Variants in FER observed in about 807,000 individuals in gnomAD.
FER encodes the protein tyrosine-protein kinase Fer.
Under a neutral mutation model 111.0 loss-of-function variants are expected in FER, and 63 were observed. That is an observed-to-expected ratio of 0.57 (90% confidence interval 0.46 to 0.70). The LOEUF (loss-of-function observed/expected upper bound fraction) is 0.70, where lower values mean the gene tolerates loss of function less well. FER is among the 30% of genes least tolerant of loss of function. The pLI, the probability that FER is intolerant of heterozygous loss-of-function variation, is 0.00. For missense variants in FER, 914 were observed against 954.0 expected, an observed-to-expected ratio of 0.96 and a Z score of 0.55; for synonymous variants, 327 against 313.9, an observed-to-expected ratio of 1.04 and a Z score of -0.44.
intron 8 of FER, among the ~76,000 whole-genome samples, chr5:108,874,592 A>G (rs989712686): frequency 2.6e-5 from 4 of 152,014 alleles, no homozygotes; most frequent in Admixed American, 2.6e-4. Flanking sequence ...TTAATGTAAT[A>G]TAAGACTTAG....
At position 108,946,190 on chromosome 5, in the gene FER, A is replaced by G; in HGVS notation, c.1297A>G (p.Arg433Gly). The change falls in exon 11 of 20, where the codon AGG becomes GGG. Residue 433 changes from arginine to glycine, a missense_variant. By Grantham distance (125) the Arg-to-Gly change is moderately radical (BLOSUM62 -2). This residue lies in a region of FER where 774 missense variants were observed against 782.6 expected (regional missense o/e 0.99). Transcript: ENST00000281092. Reference protein sequence around the residue: ...SIRHSIAGIIRSPKSALGSSA... With the variant: ...SIRHSIAGIIGSPKSALGSSA... ...TCGTCATTCAATTGCTGGAATAATT[A>G]GGTCTCCAAAATCTGCACTGGGCTC... 6.2e-7 allele frequency: 1 copy of G among 1,612,278 alleles called. No individual in the cohort carries two copies. Among genetic ancestry groups the G allele is most frequent in the Non-Finnish European group, 8.5e-7 (1 of 1,178,878 alleles).
chr5:109,150,636 T>C lies in FER; in HGVS notation c.2049-30111T>C, dbSNP rs374954088. 2.0e-5 allele frequency among the ~76,000 whole-genome samples: 3 copies of C among 152,258 alleles called. 1 individual carries two copies. The highest frequency in any genetic ancestry group is 7.2e-5 in the African/African-American group (3 of 41,564). On this transcript the variant is annotated intron_variant, in intron 17 of 19. Transcript: ENST00000281092. ...CCTGGCTAGCTCTTATAAGAGGAAA[T>C]AAAACAATAAGTTATCTCTTTTTGG...
At chr5:109,078,462 C>G (rs1415097344) in intron 16 of FER, among the ~76,000 whole-genome samples, 1 of 152,122 alleles carries the variant, frequency 6.6e-6, no homozygotes, top group Non-Finnish European at 1.5e-5. Flanking sequence ...ATTCCAGTTT[C>G]TTTTTCTTTC....
intron 13 of FER, among the ~76,000 whole-genome samples, chr5:109,012,209 C>G (rs1441456104): frequency 1.3e-5 from 2 of 152,176 alleles, no homozygotes; most frequent in Non-Finnish European, 2.9e-5. Context: ...TATAGGTTTG[C>G]TTAAAATGCT....
intron 10 of FER, among the ~76,000 whole-genome samples, chr5:108,939,738 T>G (rs1756004362): frequency 6.6e-6 from 1 of 152,030 alleles, no homozygotes; most frequent in Non-Finnish European, 1.5e-5. Flanking sequence ...ATATTTTTAT[T>G]AAATCTTAGG....
chr5:108,984,042 A>T (rs1762302521), intron 13 of FER, among the ~76,000 whole-genome samples: 1 of 151,872 alleles, frequency 6.6e-6, no homozygotes, highest in South Asian at 2.1e-4. Context: ...CACGGTGCCT[A>T]CTCTTCTTGA....
rs373048456 is a variant in FER, at chr5:109,105,635, T to A, written c.2048+5116T>A. ...CCAGAGAGATTAAAGGAAGGTCACCTAAACAATTAGTGGCTGGGCCACTGC... is the reference window on the plus strand; with the variant it reads ...CCAGAGAGATTAAAGGAAGGTCACCAAAACAATTAGTGGCTGGGCCACTGC... On this transcript the variant is annotated intron_variant, in intron 17 of 19. Transcript: ENST00000281092. Among the ~76,000 whole-genome samples the A allele has an allele frequency of 7.2e-5, 11 of 152,314 alleles. No homozygotes were observed. In the East Asian group the frequency reaches 1.3e-3, roughly 19 times the overall value.
intron 3 of FER, among the ~76,000 whole-genome samples, chr5:108,799,200 GT>G (rs1361792949): frequency 6.6e-6 from 1 of 152,122 alleles, no homozygotes; most frequent in Non-Finnish European, 1.5e-5. Context: ...AGATTATTCT[GT>G]CATATAAAAA....
At chr5:109,074,397 A>G (rs1776091167) in intron 16 of FER, among the ~76,000 whole-genome samples, 1 of 152,204 alleles carries the variant, frequency 6.6e-6, no homozygotes, top group African/African-American at 2.4e-5. Flanking sequence ...ATCATGCAGG[A>G]TTGCTAGAGT....
chr5:109,085,083 T>G (rs1777412612), intron 16 of FER, among the ~76,000 whole-genome samples: 1 of 151,858 alleles, frequency 6.6e-6, no homozygotes, highest in African/African-American at 2.4e-5. Context: ...TGGAAAAATT[T>G]AGAAGCAGCT....
chr5:108,904,959 A>C (rs1352816859), intron 10 of FER, among the ~76,000 whole-genome samples: 1 of 152,102 alleles, frequency 6.6e-6, no homozygotes, highest in East Asian at 1.9e-4. Flanking sequence ...GTATATTTAC[A>C]GTTGTATGTT....
At chr5:108,754,103 G>C (rs1291008766) in intron 1 of FER, among the ~76,000 whole-genome samples, 1 of 152,020 alleles carries the variant, frequency 6.6e-6, no homozygotes, top group African/African-American at 2.4e-5. Flanking sequence ...TGATTTATTG[G>C]AGAAAGTGAG....
At position 109,036,107 on chromosome 5, in the gene FER, T is replaced by C; in HGVS notation, c.1657-1315T>C. On this transcript the variant is annotated intron_variant, in intron 13 of 19. Coordinates refer to ENST00000281092, the MANE Select transcript of FER (RefSeq NM_005246.4). ...ATGTTCTCCCAGGTTGTAGTTTGTC[T>C]TTTCATTTTTTAAGTGATGCTTTTG... Among the ~76,000 whole-genome samples, 2 of 152,180 alleles carry C rather than the reference T, an allele frequency of 1.3e-5. 1 individual carries two copies. Among genetic ancestry groups the C allele is most frequent in the Non-Finnish European group, 2.9e-5 (2 of 68,000 alleles).
intron 10 of FER, among the ~76,000 whole-genome samples, chr5:108,927,252 C>T (rs201161180): frequency 0.066 from 6,343 of 95,562 alleles, 317 homozygotes; most frequent in South Asian, 0.13. Flanking sequence ...AGAAGTGGCT[C>T]TTTTTTTTTT....
In FER at chr5:108,928,450, C is replaced by T. The variant is rs140104056; in HGVS notation, c.1237-17680C>T. On this transcript the variant is annotated intron_variant, in intron 10 of 19. Coordinates refer to ENST00000281092, the MANE Select transcript of FER (RefSeq NM_005246.4). ...ACAATAGTATTTATGAAAATAAATT[C>T]GTGAGTTCTTGAAATGTATTATAGG... Among the ~76,000 whole-genome samples the T allele has an allele frequency of 7.7e-4, 117 of 152,050 alleles. 1 individual carries two copies. Among genetic ancestry groups the T allele is most frequent in the African/African-American group, 2.7e-3 (110 of 41,496 alleles).
At chr5:108,862,293 C>A (rs1376953629) in intron 5 of FER, among the ~76,000 whole-genome samples, 5 of 152,064 alleles carry the variant, frequency 3.3e-5, no homozygotes, top group Non-Finnish European at 7.4e-5. Flanking sequence ...AAAAAGGTAT[C>A]TGGGAAATTC....
In FER at chr5:108,835,831, T is replaced by C. The variant is rs140735873; in HGVS notation, c.481+24T>C. The C allele has an allele frequency of 1.2e-3, 1,636 of 1,321,524 alleles. 22 individuals are homozygous for C. The African/African-American group carries it at 0.022, about 18-fold the overall frequency. 81.9% of individuals were successfully genotyped at this position (1,321,524 alleles called of 1,614,324 possible). A position where few individuals can be genotyped will look rare whatever the true frequency, so the allele number is the denominator to read the frequency against. ...AGGTAAGGCAAAATTTTAAAAATTG[T>C]TTACTTAGGTGATTTTTATTCTTAC... On this transcript the variant is annotated intron_variant, in intron 5 of 19. Coordinates refer to ENST00000281092, the MANE Select transcript of FER (RefSeq NM_005246.4).
intron 17 of FER, among the ~76,000 whole-genome samples, chr5:109,101,066 G>A (rs1396985491): frequency 1.3e-5 from 2 of 151,878 alleles, no homozygotes; most frequent in Non-Finnish European, 2.9e-5. Context: ...TTTCAAAGGA[G>A]ATTTTATGAA....
At chr5:108,914,231 CTG>C (rs35365353) in intron 10 of FER, among the ~76,000 whole-genome samples, 29,758 of 140,724 alleles carry the variant, frequency 0.21, 3,001 homozygotes, top group African/African-American at 0.25. Flanking sequence ...ACTTGTCTCT[CTG>C]TGTGTGTGTG....
Sources: allele counts gnomAD v4.1 joint callset (sites outside exome capture counted in the v4.1 genomes callset), GRCh38; gene constraint gnomAD v4.1.1; regional missense constraint gnomAD v4.1.1; transcripts MANE v1.5; gene names NCBI Gene and HGNC (gene_info 2026-07-23, HGNC 2026-07-21).